The following MAPK14 variants were observed in gnomAD, a reference collection of about 807,000 sequenced individuals.
The protein encoded by MAPK14 is CSAID-binding protein.
Under a neutral mutation model 49.6 loss-of-function variants are expected in MAPK14, and 16 were observed. That is an observed-to-expected ratio of 0.32 (90% CI 0.22 to 0.49). The LOEUF is 0.49. MAPK14 is among the 20% of genes least tolerant of loss of function. MAPK14 has a pLI of 0.99. For synonymous variants in MAPK14, 142 were observed against 158.0 expected (o/e 0.90, Z 0.76); for missense variants, 200 against 441.2 (o/e 0.45, Z 4.90).
At chr6:36,089,830 A>G (rs528228964) in intron 8 of MAPK14, among the ~76,000 whole-genome samples, 159 of 152,348 alleles carry the variant, frequency 1.0e-3, no homozygotes, top group African/African-American at 3.7e-3. Flanking sequence ...TGAAATGAAT[A>G]AGCCACTTTG....
chr6:36,101,016 T>C (rs890630770), intron 9 of MAPK14, among the ~76,000 whole-genome samples: 1 of 152,244 alleles, frequency 6.6e-6, no homozygotes, highest in Non-Finnish European at 1.5e-5. Context: ...CCTCTTTTTA[T>C]TTACATGTTC....
At chr6:36,108,110 C>T (rs989771685) in intron 11 of MAPK14, among the ~76,000 whole-genome samples, 1 of 152,182 alleles carries the variant, frequency 6.6e-6, no homozygotes, top group African/African-American at 2.4e-5. Context: ...TGTGAGAGTG[C>T]TCTTTCATTC....
At chr6:36,086,240 A>C (rs549225906) in intron 8 of MAPK14, among the ~76,000 whole-genome samples, 8 of 152,284 alleles carry the variant, frequency 5.3e-5, no homozygotes, top group Admixed American at 2.0e-4. Flanking sequence ...TCACAACTAA[A>C]AGAACTAGGG....
intron 8 of MAPK14, among the ~76,000 whole-genome samples, chr6:36,095,542 G>A (rs1170688776): frequency 6.6e-6 from 1 of 152,178 alleles, no homozygotes; most frequent in Non-Finnish European, 1.5e-5. Context: ...CCTAGCTCCT[G>A]TCTTCTGCTG....
chr6:36,100,283 C>T (rs1359187326), intron 9 of MAPK14: 7 of 1,587,558 alleles, frequency 4.4e-6, no homozygotes, highest in Non-Finnish European at 6.1e-6. Context: ...AACAAAGAGA[C>T]TGTACAGGGA....
rs147844237 is a variant in MAPK14, at chr6:36,095,266, G to A, written c.683-721G>A. Among the ~76,000 whole-genome samples the A allele has an allele frequency of 9.6e-3, 1,456 of 152,306 alleles. 23 individuals are homozygous for A. The highest frequency in any genetic ancestry group is 0.013 in the Non-Finnish European group (853 of 68,014). ...CTTTGGGATGTGTGAAGTTTGTTAA[G>A]CATTGTTCATTTGCATTTTATAAGG... On this transcript the variant is annotated intron_variant, in intron 8 of 11. Coordinates refer to ENST00000229794, the MANE Select transcript of MAPK14 (RefSeq NM_139012.3).
intron 1 of MAPK14, among the ~76,000 whole-genome samples, chr6:36,047,317 G>A (rs12665389): frequency 0.088 from 13,453 of 152,154 alleles, 716 homozygotes; most frequent in Middle Eastern, 0.12. Flanking sequence ...CGGAGGAGAA[G>A]AAAATCCTAG....
intron 2 of MAPK14, 75 bp downstream of exon 2, chr6:36,052,903 T>A (rs1179413569): frequency 2.2e-6 from 3 of 1,361,904 alleles, no homozygotes. Flanking sequence ...TTACTGCAGA[T>A]GGAAATACGC....
At chr6:36,104,822 G>A (rs1765753843) in intron 10 of MAPK14, among the ~76,000 whole-genome samples, 1 of 152,164 alleles carries the variant, frequency 6.6e-6, no homozygotes, top group African/African-American at 2.4e-5. Flanking sequence ...TTTAGGGGGA[G>A]AGGGGAGATA....
At chr6:36,113,444 T>C (rs2127480669), downstream of MAPK14, among the ~76,000 whole-genome samples, 1 of 148,400 alleles carries the variant, frequency 6.7e-6, no homozygotes, top group African/African-American at 2.5e-5. Context: ...GTAACCCACA[T>C]ATCTATGAAT....
intron 8 of MAPK14, among the ~76,000 whole-genome samples, chr6:36,078,981 T>C (rs1764639134): frequency 1.3e-5 from 2 of 152,226 alleles, no homozygotes; most frequent in Admixed American, 6.5e-5. Context: ...CCCCAAAGAC[T>C]CCATTTTGTT....
At chr6:36,098,676 G>C (rs992240389) in intron 9 of MAPK14, among the ~76,000 whole-genome samples, 9 of 152,180 alleles carry the variant, frequency 5.9e-5, no homozygotes, top group African/African-American at 2.2e-4. Context: ...AGGAGACAAA[G>C]ACAGAAAATG....
the MAPK14 span, among the ~76,000 whole-genome samples, chr6:36,118,824 C>T: frequency 3.9e-5 from 6 of 152,188 alleles, no homozygotes; most frequent in Non-Finnish European, 5.9e-5. Flanking sequence ...CGAGTGGCTG[C>T]TGTGCCCTCA....
At chr6:36,053,488 A>G (rs181581619) in intron 2 of MAPK14, among the ~76,000 whole-genome samples, 1 of 152,244 alleles carries the variant, frequency 6.6e-6, no homozygotes, top group Admixed American at 6.5e-5. Context: ...AATACGATAA[A>G]TAAGTGGATA....
Position 36,106,410 on chromosome 6 carries a change from A to G in MAPK14, c.842-1045A>G, listed in dbSNP as rs57711377. ...ATTCTAGACTAAGAGAGACTAAAGA[A>G]AACCAGTCAGTTGCAGTGCATGGCC... On this transcript the variant is annotated intron_variant, in intron 10 of 11. Coordinates refer to ENST00000229794, the MANE Select transcript of MAPK14 (RefSeq NM_139012.3). Among the ~76,000 whole-genome samples the G allele has an allele frequency of 6.8e-3, 1,040 of 152,284 alleles. 12 individuals carry two copies. The highest frequency in any genetic ancestry group is 0.023 in the African/African-American group (976 of 41,556).
chr6:36,059,185 C>A, intron 2 of MAPK14, 104 bp from the exon 3 acceptor site: 1 of 700,772 alleles, frequency 1.4e-6, no homozygotes, highest in Non-Finnish European at 2.3e-6. Context: ...CCACTGCTCC[C>A]GGCCTAGACC....
chr6:36,107,637 T>C lies in MAPK14; in HGVS notation c.1015+9T>C. 6.5e-7 allele frequency: 1 copy of C among 1,548,132 alleles called. No individual in the cohort carries two copies. On this transcript the variant is annotated intron_variant, in intron 11 of 11. Transcript: ENST00000229794. This position sits in a 1 kb window ranked among gnomAD's most constrained non-coding sequence, Gnocchi z 4.3. ...TATAGATGAGTGGAAAAGTAAGTCC[T>C]AAGGGTAGGATTAACATCTTGAACC...
At position 36,110,915 on chromosome 6, in the gene MAPK14, T is replaced by G. The variant is rs1765947188; in HGVS notation, c.*2468T>G. 6.6e-6 allele frequency: 1 copy of G among 152,240 alleles called. No homozygotes were observed. Among genetic ancestry groups the G allele is most frequent in the African/African-American group, 2.4e-5 (1 of 41,470 alleles). The allele number at this position is 152,240 out of a possible 1,614,324, so 9.4% of individuals were successfully genotyped here. A position where few individuals can be genotyped will look rare whatever the true frequency, so the allele number is the denominator to read the frequency against. ...AGAAAATGTTGATAAAGCTTCTTAG[T>G]TGTACATTTTTTGGTGAAGAGTATC... is the stretch of plus-strand genomic sequence containing the variant. On this transcript the variant is annotated 3_prime_UTR_variant, in exon 12 of 12. Transcript: ENST00000229794.
At chr6:36,056,032 C>A (rs1054431139) in intron 2 of MAPK14, among the ~76,000 whole-genome samples, 1 of 151,756 alleles carries the variant, frequency 6.6e-6, no homozygotes, top group Admixed American at 6.6e-5. Flanking sequence ...TAAATATTGC[C>A]CTTTTTAGGA....
Sources: allele counts gnomAD v4.1 joint callset (sites outside exome capture counted in the v4.1 genomes callset), GRCh38; gene constraint gnomAD v4.1.1; non-coding constraint Gnocchi (gnomAD v3.1); transcripts MANE v1.5; gene names NCBI Gene and HGNC (gene_info 2026-07-23, HGNC 2026-07-21).